Variants in DNM2 observed in about 807,000 individuals in gnomAD.
The protein encoded by DNM2 is dynamin-2.
A neutral mutation model predicts 99.0 loss-of-function variants in DNM2; 15 were observed. The observed-to-expected ratio is 0.15, with a 90% CI of 0.10 to 0.23. The LOEUF (loss-of-function observed/expected upper bound fraction) is 0.23, where lower values mean the gene tolerates loss of function less well. Ranked by LOEUF, DNM2 falls within the 10% of genes least tolerant of loss-of-function variation. The pLI is 1.00. For missense variants in DNM2, 742 were observed against 1,189.4 expected, an observed-to-expected ratio of 0.62 and a Z score of 5.53; for synonymous variants, 525 against 481.2, an observed-to-expected ratio of 1.09 and a Z score of -1.19.
In DNM2 at chr19:10,775,608, C is replaced by T. The variant is rs1180490973; in HGVS notation, c.386-95C>T. The stretch of plus-strand genomic sequence containing the variant: ...GCGACATCCTCAAGTCTGAGCCCCG[C>T]GCAGGAACTTTGGTAGTCAGCTGGG... On this transcript the variant is annotated intron_variant, in intron 3 of 20. Transcript: ENST00000389253. The surrounding 1 kb of genome is among the most constrained non-coding windows in gnomAD (Gnocchi z 4.3). The T allele has an allele frequency of 1.1e-5, 16 of 1,393,998 alleles. No individual in the cohort carries two copies. The highest frequency in any genetic ancestry group is 2.3e-5 in the South Asian group (2 of 86,030). The allele number at this position is 1,393,998 out of a possible 1,614,324, so 86.4% of individuals were successfully genotyped here.
chr19:10,824,501 A>AAAAAT, intron 17 of DNM2: 1 of 191,720 alleles, frequency 5.2e-6, no homozygotes, highest in Admixed American at 5.3e-5. Flanking sequence ...ACTCCATCTC[A>AAAAAT]AAAATAAAAT....
At chr19:10,804,510 G>A (rs544220823) in intron 12 of DNM2, among the ~76,000 whole-genome samples, 1 of 152,062 alleles carries the variant, frequency 6.6e-6, no homozygotes, top group East Asian at 1.9e-4. Context: ...GGGAAACATG[G>A]TGAAACCCTG....
chr19:10,795,512 C>A lies in DNM2; in HGVS notation c.1196+73C>A. 1.3e-6 allele frequency: 2 copies of A among 1,548,102 alleles called. No homozygotes were observed. Among genetic ancestry groups the A allele is most frequent in the Non-Finnish European group, 1.8e-6 (2 of 1,121,708 alleles). Reference sequence around the variant, plus strand: ...CGACCCCCCAGCTAATTGGGTCACCCACACCTCTGAGTCCCTAATCGTTAG... The same window carrying A: ...CGACCCCCCAGCTAATTGGGTCACCAACACCTCTGAGTCCCTAATCGTTAG... On this transcript the variant is annotated intron_variant, in intron 9 of 20. Transcript: ENST00000389253. The surrounding 1 kb of genome is among the most constrained non-coding windows in gnomAD (Gnocchi z 4.2).
intron 1 of DNM2, among the ~76,000 whole-genome samples, chr19:10,722,648 T>C (rs1002695798): frequency 3.9e-5 from 6 of 152,002 alleles, no homozygotes; most frequent in African/African-American, 1.5e-4. Context: ...TGGCCTGAGA[T>C]AGGGTCTTAT....
chr19:10,798,172 G>C (rs988976831), intron 10 of DNM2, among the ~76,000 whole-genome samples: 10 of 152,164 alleles, frequency 6.6e-5, no homozygotes, highest in African/African-American at 1.9e-4. Flanking sequence ...TGGGCAAGAG[G>C]GGGGTGCCCT....
intron 1 of DNM2, among the ~76,000 whole-genome samples, chr19:10,729,094 G>A (rs1913440550): frequency 8.0e-6 from 1 of 124,800 alleles, no homozygotes; most frequent in African/African-American, 3.1e-5. Flanking sequence ...GAACCCGGGA[G>A]GCGGAGCTTG....
At chr19:10,749,873 C>T (rs550715009) in intron 1 of DNM2, among the ~76,000 whole-genome samples, 39 of 152,326 alleles carry the variant, frequency 2.6e-4, no homozygotes, top group South Asian at 1.4e-3. Context: ...TCACACCTGC[C>T]CATGGCCAGG....
chr19:10,749,065 C>T (rs2070100446), intron 1 of DNM2, among the ~76,000 whole-genome samples: 1 of 152,186 alleles, frequency 6.6e-6, no homozygotes, highest in South Asian at 2.1e-4. Flanking sequence ...GGATCCCAGC[C>T]CAGGGTCCTG....
chr19:10,721,357 A>T (rs1489493606), intron 1 of DNM2, among the ~76,000 whole-genome samples: 1 of 152,026 alleles, frequency 6.6e-6, no homozygotes, highest in East Asian at 1.9e-4. Context: ...GGGTTTCACC[A>T]TGTTGGCCAG....
chr19:10,759,752 G>GCGGTTCAGGAATCGTCACC lies in DNM2; in HGVS notation c.180_198dup (p.Arg67PhefsTer35). On this transcript the variant is annotated frameshift_variant, in exon 2 of 21. Coordinates refer to ENST00000389253, the MANE Select transcript of DNM2 (RefSeq NM_001005361.3). LOFTEE classifies it high-confidence loss of function. The stretch of plus-strand genomic sequence containing the variant: ...CCCCCTCACAGGGACTTCCTTCCCC[G>GCGGTTCAGGAATCGTCACC]CGGTTCAGGAATCGTCACCCGGCGG... 6.2e-7 allele frequency: 1 copy of GCGGTTCAGGAATCGTCACC among 1,613,940 alleles called. No individual in the cohort carries two copies.
intron 1 of DNM2, among the ~76,000 whole-genome samples, chr19:10,740,446 G>A (rs2069703200): frequency 6.6e-6 from 1 of 151,806 alleles, no homozygotes; most frequent in African/African-American, 2.4e-5. Context: ...CACGATCTTG[G>A]CTCACTGCAA....
chr19:10,822,964 G>C (rs543881741), intron 16 of DNM2, among the ~76,000 whole-genome samples: 2 of 152,164 alleles, frequency 1.3e-5, no homozygotes, highest in East Asian at 3.9e-4. Flanking sequence ...AAATTAGCTG[G>C]GGTGGTGGCA....
chr19:10,808,057 C>A (rs956723565), intron 13 of DNM2, among the ~76,000 whole-genome samples: 1 of 151,646 alleles, frequency 6.6e-6, no homozygotes, highest in Admixed American at 6.6e-5. Context: ...ACAGGAGAAT[C>A]ACTTGAACCC....
intron 13 of DNM2, among the ~76,000 whole-genome samples, chr19:10,807,515 C>T (rs2072384641): frequency 8.0e-6 from 1 of 124,680 alleles, no homozygotes; most frequent in South Asian, 2.9e-4. Context: ...GCTGGAATTA[C>T]AAGCGTGAGC....
At chr19:10,787,118 G>A (rs2071586511) in intron 7 of DNM2, among the ~76,000 whole-genome samples, 1 of 152,010 alleles carries the variant, frequency 6.6e-6, no homozygotes, top group Admixed American at 6.6e-5. Context: ...TGGATCACCT[G>A]AGGTCGGGAG....
intron 14 of DNM2, 125 bp downstream of exon 14, chr19:10,808,705 A>G (rs1464900636): frequency 2.4e-6 from 3 of 1,250,604 alleles, no homozygotes; most frequent in Non-Finnish European, 2.3e-6. Flanking sequence ...AATCGAGCTA[A>G]CCTGGAAACC....
chr19:10,718,575 C>T (rs2068829687), intron 1 of DNM2, 172 bp downstream of exon 1: 1 of 998,322 alleles, frequency 1.0e-6, no homozygotes, highest in Admixed American at 4.6e-5. Context: ...GCAGAGGACT[C>T]CCTGCAGGGG....
rs542910187 is a variant in DNM2 at position 10,737,922 on chromosome 19, C to T, written c.161+19519C>T. 2.0e-5 allele frequency among the ~76,000 whole-genome samples: 3 copies of T among 152,300 alleles called. No individual in the cohort carries two copies. In the South Asian group the frequency reaches 6.2e-4, roughly 32 times the overall value. On this transcript the variant is annotated intron_variant, in intron 1 of 20. Transcript: ENST00000389253. Reference sequence around the variant, plus strand: ...GTAATCGGGGCACCCATCTCCCTCTCGGGATGCACTCATTGATGTACTTGT... The same window carrying T: ...GTAATCGGGGCACCCATCTCCCTCTTGGGATGCACTCATTGATGTACTTGT...
In DNM2 at chr19:10,825,224, G is replaced by C. The variant is rs747966753; in HGVS notation, c.2058+3G>C. ...TCATGCACCTCATGATCAACAATGT[G>C]AGTGGAGAACTAAAAATGAGAAGGA... On this transcript the variant is annotated splice_donor_region_variant and intron_variant, in intron 18 of 20. Transcript: ENST00000389253. The C allele has an allele frequency of 6.2e-7, 1 of 1,613,922 alleles. No homozygotes were observed. The highest frequency in any genetic ancestry group is 8.5e-7 in the Non-Finnish European group (1 of 1,179,876).
Sources: gnomAD v4.1 joint callset for allele counts (sites outside exome capture counted in the v4.1 genomes callset) on GRCh38, gnomAD v4.1.1 for gene constraint, Gnocchi (gnomAD v3.1) non-coding constraint, MANE v1.5 for transcripts, NCBI Gene and HGNC (gene_info 2026-07-23, HGNC 2026-07-21) for gene names.